Variants in STAC observed in about 807,000 individuals in gnomAD.
STAC encodes SH3 and cysteine-rich domain-containing protein.
Under a neutral mutation model 48.8 loss-of-function variants are expected in STAC, and 43 were observed. The observed-to-expected ratio is 0.88, with a 90% confidence interval of 0.69 to 1.14. The LOEUF (loss-of-function observed/expected upper bound fraction) is 1.14. STAC is among the 50% of genes most tolerant of loss of function. The pLI is 0.00. For missense variants in STAC, 497 were observed against 504.0 expected (o/e 0.99, Z 0.13); for synonymous variants, 193 against 179.5 (o/e 1.07, Z -0.60).
intron 1 of STAC, among the ~76,000 whole-genome samples, chr3:36,423,023 CA>C (rs1700482714): frequency 1.3e-5 from 2 of 152,018 alleles, no homozygotes; most frequent in Non-Finnish European, 1.5e-5. Flanking sequence ...TTTAGGTTAG[CA>C]AAAGGAGTAG....
At chr3:36,477,042 T>C (rs2125695539) in intron 2 of STAC, among the ~76,000 whole-genome samples, 1 of 152,376 alleles carries the variant, frequency 6.6e-6, no homozygotes, top group East Asian at 1.9e-4. Context: ...AGATACTTTA[T>C]ATAATCTAAG....
intron 2 of STAC, among the ~76,000 whole-genome samples, chr3:36,444,404 C>T (rs148500441): frequency 1.1e-4 from 17 of 152,308 alleles, no homozygotes; most frequent in African/African-American, 3.8e-4. Context: ...ATCTTCAGAT[C>T]AGCTGAGATT....
intron 10 of STAC, among the ~76,000 whole-genome samples, chr3:36,543,802 A>T (rs2125506337): frequency 6.6e-6 from 1 of 152,340 alleles, no homozygotes; most frequent in Middle Eastern, 3.4e-3. Flanking sequence ...AGCTCTGGCC[A>T]GAATTTCAAT....
intron 1 of STAC, among the ~76,000 whole-genome samples, chr3:36,387,992 T>C (rs2361037): frequency 0.19 from 28,979 of 152,080 alleles, 3,352 homozygotes; most frequent in Non-Finnish European, 0.24. Flanking sequence ...TCCTCACCAA[T>C]ACTTGTTATT....
At chr3:36,398,416 GA>G (rs1699916310) in intron 1 of STAC, among the ~76,000 whole-genome samples, 2 of 2,330 alleles carry the variant, frequency 8.6e-4, no homozygotes, top group East Asian at 0.01. Context: ...AAGAGAGAGG[GA>G]AGGAAGGAAG....
At chr3:36,528,322 A>G (rs952688488) in intron 8 of STAC, among the ~76,000 whole-genome samples, 6 of 152,086 alleles carry the variant, frequency 3.9e-5, no homozygotes, top group Non-Finnish European at 7.4e-5. Context: ...TACAAAAATG[A>G]TCTGGGCATG....
chr3:36,389,984 T>C (rs1243125544), intron 1 of STAC, among the ~76,000 whole-genome samples: 2 of 151,912 alleles, frequency 1.3e-5, no homozygotes, highest in South Asian at 2.1e-4. Flanking sequence ...GGGAAGGGAG[T>C]GCAGTGGGTA....
At chr3:36,461,785 G>A (rs1417799175) in intron 2 of STAC, among the ~76,000 whole-genome samples, 2 of 152,148 alleles carry the variant, frequency 1.3e-5, no homozygotes, top group African/African-American at 2.4e-5. Context: ...CATACTTGGT[G>A]TCTTTAAGTA....
chr3:36,467,674 G>T (rs993240412), intron 2 of STAC, among the ~76,000 whole-genome samples: 1 of 151,944 alleles, frequency 6.6e-6, no homozygotes, highest in Non-Finnish European at 1.5e-5. Context: ...GTATTTCTGT[G>T]GTATCAGTTG....
chr3:36,524,558 CT>C (rs1393833257), intron 8 of STAC, among the ~76,000 whole-genome samples: 3 of 152,068 alleles, frequency 2.0e-5, no homozygotes, highest in Admixed American at 2.0e-4. Context: ...CACCACTGCA[CT>C]CCAGCCTGGG....
At chr3:36,471,217 T>A (rs1697323425) in intron 2 of STAC, among the ~76,000 whole-genome samples, 1 of 152,168 alleles carries the variant, frequency 6.6e-6, no homozygotes. Flanking sequence ...AAACCCCTGA[T>A]AAACCTATCA....
intron 10 of STAC, 184 bp downstream of exon 10, chr3:36,529,169 G>T: frequency 1.7e-6 from 1 of 572,348 alleles, no homozygotes; most frequent in East Asian, 3.5e-5. Context: ...AAAATTTTAG[G>T]AATCTCACTT....
chr3:36,538,331 C>G (rs758678726), intron 10 of STAC, among the ~76,000 whole-genome samples: 5 of 152,110 alleles, frequency 3.3e-5, no homozygotes, highest in Non-Finnish European at 7.4e-5. Context: ...CCTGCAAAGC[C>G]TACAATATTT....
chr3:36,386,666 G>A (rs1434395314), intron 1 of STAC, among the ~76,000 whole-genome samples: 1 of 151,990 alleles, frequency 6.6e-6, no homozygotes, highest in Admixed American at 6.6e-5. Flanking sequence ...TTTTGACTAT[G>A]CCACTTTTGC....
chr3:36,406,567 C>T (rs915083059), intron 1 of STAC, among the ~76,000 whole-genome samples: 9 of 152,184 alleles, frequency 5.9e-5, no homozygotes, highest in Non-Finnish European at 4.4e-5. Flanking sequence ...GCTCCCGCTG[C>T]GTGACCGTTC....
intron 10 of STAC, among the ~76,000 whole-genome samples, chr3:36,540,087 CAG>C (rs148879874): frequency 2.4e-4 from 36 of 149,792 alleles, no homozygotes; most frequent in Non-Finnish European, 3.1e-4. Context: ...AAGCCGGGGT[CAG>C]AGAGAGAGAG....
At position 36,526,600 on chromosome 3, in the gene STAC, C is replaced by T. The variant is rs140489142; in HGVS notation, c.921-2096C>T. On this transcript the variant is annotated intron_variant, in intron 8 of 10. Transcript: ENST00000273183. ...CCATTGGGGTTTTGTGGCTGTTTAT[C>T]ACACAGCATTACTGTGACAATACAT... is the stretch of plus-strand genomic sequence containing the variant. Among the ~76,000 whole-genome samples the T allele has an allele frequency of 2.9e-3, 446 of 152,288 alleles. 4 individuals carry two copies. Among genetic ancestry groups the T allele is most frequent in the Middle Eastern group, 0.02 (6 of 294 alleles).
chr3:36,443,769 C>A lies in STAC; in HGVS notation c.388+129C>A. 1 of 1,239,118 alleles carries A rather than the reference C, an allele frequency of 8.1e-7. No individual in the cohort carries two copies. Among genetic ancestry groups the A allele is most frequent in the Non-Finnish European group, 1.1e-6 (1 of 892,776 alleles). 76.8% of individuals were successfully genotyped at this position (1,239,118 alleles called of 1,614,324 possible). A position where few individuals can be genotyped will look rare whatever the true frequency, so the allele number is the denominator to read the frequency against. On this transcript the variant is annotated intron_variant, in intron 2 of 10. Coordinates refer to ENST00000273183, the MANE Select transcript of STAC (RefSeq NM_003149.3). The surrounding 1 kb of genome is among the most constrained non-coding windows in gnomAD (Gnocchi z 4.2). Reference sequence around the variant, plus strand: ...GAGATTTACATGTGGGAAGATCATTCAGGAGTGCTTTGGGGAACAATATTT... The same window carrying A: ...GAGATTTACATGTGGGAAGATCATTAAGGAGTGCTTTGGGGAACAATATTT...
At position 36,522,702 on chromosome 3, in the gene STAC, G is replaced by A. The variant is rs545395881; in HGVS notation, c.921-5994G>A. Among the ~76,000 whole-genome samples the A allele has an allele frequency of 5.3e-5, 8 of 152,330 alleles. No individual in the cohort carries two copies. In the South Asian group the frequency reaches 1.7e-3, roughly 32 times the overall value. On this transcript the variant is annotated intron_variant, in intron 8 of 10. Coordinates refer to ENST00000273183, the MANE Select transcript of STAC (RefSeq NM_003149.3). ...CTGCTTTTACCATGTGCTTCCCAAAGTAGGGCCAATCTGAGGTCTCAGGTT... is the reference window on the plus strand; with the variant it reads ...CTGCTTTTACCATGTGCTTCCCAAAATAGGGCCAATCTGAGGTCTCAGGTT...
Sources: gnomAD v4.1 joint callset for allele counts (sites outside exome capture counted in the v4.1 genomes callset) on GRCh38, gnomAD v4.1.1 for gene constraint, Gnocchi (gnomAD v3.1) non-coding constraint, MANE v1.5 for transcripts, NCBI Gene and HGNC (gene_info 2026-07-23, HGNC 2026-07-21) for gene names.